MARCHF1: variants seen among roughly 807,000 people sequenced by gnomAD.
MARCHF1 encodes the protein membrane associated ring-CH-type finger 1.
Under a neutral mutation model 54.2 loss-of-function variants are expected in MARCHF1, and 40 were observed. The observed-to-expected ratio is 0.74, with a 90% CI of 0.57 to 0.96. The LOEUF is 0.96. Among genes scored for constraint, MARCHF1 ranks in the 40% least tolerant of loss-of-function variants. The pLI is 0.00. For missense variants in MARCHF1, 586 were observed against 656.5 expected (o/e 0.89, Z 1.17); for synonymous variants, 236 against 236.3 (o/e 1.00, Z 0.01).
intron 3 of MARCHF1, among the ~76,000 whole-genome samples, chr4:163,903,908 G>A (rs536029479): frequency 2.6e-5 from 4 of 152,042 alleles, no homozygotes; most frequent in South Asian, 2.1e-4. Context: ...GAGCCACCTC[G>A]CCTGGCCATA....
intron 1 of MARCHF1, among the ~76,000 whole-genome samples, chr4:164,205,566 AC>A (rs1436673046): frequency 6.6e-6 from 1 of 152,202 alleles, no homozygotes; most frequent in Non-Finnish European, 1.5e-5. Context: ...ATTTAAAATA[AC>A]CAAAATTGTT....
At chr4:163,731,596 A>G (rs944882567) in intron 4 of MARCHF1, among the ~76,000 whole-genome samples, 13 of 152,238 alleles carry the variant, frequency 8.5e-5, no homozygotes, top group African/African-American at 3.1e-4. Context: ...CACAGAGCTC[A>G]GTACCAGAGG....
At chr4:164,228,139 T>C (rs1579640315) in intron 1 of MARCHF1, among the ~76,000 whole-genome samples, 1 of 152,178 alleles carries the variant, frequency 6.6e-6, no homozygotes, top group Non-Finnish European at 1.5e-5. Context: ...ACGATGTTGG[T>C]GGCAACATAA....
intron 1 of MARCHF1, among the ~76,000 whole-genome samples, chr4:164,145,724 G>C (rs1446388339): frequency 6.7e-6 from 1 of 149,010 alleles, no homozygotes; most frequent in Non-Finnish European, 1.5e-5. Context: ...CATACTGAAT[G>C]GGCAAAAACT....
At chr4:163,648,257 T>C (rs1742831183) in intron 5 of MARCHF1, among the ~76,000 whole-genome samples, 3 of 152,068 alleles carry the variant, frequency 2.0e-5, no homozygotes, top group South Asian at 4.1e-4. Flanking sequence ...TCTTAAAAGA[T>C]AGGAAACTAA....
chr4:163,875,302 G>A (rs948444154), intron 3 of MARCHF1, among the ~76,000 whole-genome samples: 3 of 152,142 alleles, frequency 2.0e-5, no homozygotes, highest in East Asian at 1.9e-4. Context: ...TGGGAGGTCC[G>A]TGATTTTTTG....
intron 4 of MARCHF1, among the ~76,000 whole-genome samples, chr4:163,784,581 C>G (rs1747562909): frequency 6.6e-6 from 1 of 152,030 alleles, no homozygotes; most frequent in Non-Finnish European, 1.5e-5. Context: ...AAAAATTTAG[C>G]AGTAGATCTG....
intron 2 of MARCHF1, among the ~76,000 whole-genome samples, chr4:164,035,221 C>G (rs1342011716): frequency 1.3e-5 from 2 of 151,946 alleles, no homozygotes; most frequent in Non-Finnish European, 2.9e-5. Context: ...AGATGTTTAA[C>G]AGCTTTTCCA....
intron 1 of MARCHF1, among the ~76,000 whole-genome samples, chr4:164,344,458 T>G (rs199599324): frequency 6.8e-6 from 1 of 147,978 alleles, no homozygotes; most frequent in African/African-American, 2.5e-5. Context: ...ATGCACGTGT[T>G]TGTGTGTGTG....
chr4:163,935,727 T>C (rs1244671253), intron 3 of MARCHF1, among the ~76,000 whole-genome samples: 1 of 139,888 alleles, frequency 7.1e-6, no homozygotes, highest in Non-Finnish European at 1.6e-5. Flanking sequence ...TTTTTTTTAT[T>C]ATACTTTAAG....
intron 4 of MARCHF1, among the ~76,000 whole-genome samples, chr4:163,828,558 C>A (rs1393684476): frequency 6.6e-6 from 1 of 152,002 alleles, no homozygotes. Flanking sequence ...GAAAGTAAGT[C>A]ATACTGATAC....
At chr4:163,792,128 C>T (rs949604220) in intron 4 of MARCHF1, among the ~76,000 whole-genome samples, 1 of 152,130 alleles carries the variant, frequency 6.6e-6, no homozygotes, top group Non-Finnish European at 1.5e-5. Flanking sequence ...TTCATTCCTG[C>T]AGTTGCCACC....
intron 4 of MARCHF1, among the ~76,000 whole-genome samples, chr4:163,804,064 G>A (rs1579299425): frequency 6.6e-6 from 1 of 152,282 alleles, no homozygotes; most frequent in East Asian, 1.9e-4. Flanking sequence ...TAATTCTTGA[G>A]AAGCAGCTCT....
In MARCHF1 at chr4:164,115,710, A is replaced by G. The variant is rs1755925756; in HGVS notation, c.-322-4048T>C. On this transcript the variant is annotated intron_variant, in intron 1 of 9. Coordinates refer to ENST00000514618, the MANE Select transcript of MARCHF1 (RefSeq NM_001394959.1). ...GTAAGTTTGGTATAACAAATTATAA[A>G]TATTATGAATCTGATAATTCAAATG... Among the ~76,000 whole-genome samples, 2 of 152,120 alleles carry G rather than the reference A, an allele frequency of 1.3e-5. 1 individual carries two copies. Among genetic ancestry groups the G allele is most frequent in the South Asian group, 4.1e-4 (2 of 4,834 alleles).
chr4:164,022,579 T>G (rs1320228178), intron 2 of MARCHF1, among the ~76,000 whole-genome samples: 1 of 152,222 alleles, frequency 6.6e-6, no homozygotes, highest in Non-Finnish European at 1.5e-5. Flanking sequence ...ACCCTGTATC[T>G]ACCACAGACA....
chr4:164,047,553 T>C (rs1019883734), intron 2 of MARCHF1, among the ~76,000 whole-genome samples: 8 of 152,214 alleles, frequency 5.3e-5, no homozygotes, highest in Non-Finnish European at 1.2e-4. Flanking sequence ...TGCATCCCAA[T>C]GTAATTTTGC....
intron 4 of MARCHF1, among the ~76,000 whole-genome samples, chr4:163,786,037 G>A (rs1747609032): frequency 6.6e-6 from 1 of 151,956 alleles, no homozygotes; most frequent in South Asian, 2.1e-4. Flanking sequence ...CTGGAGGCAG[G>A]AAATGTGGGT....
At chr4:163,736,147 C>A (rs1746028096) in intron 4 of MARCHF1, among the ~76,000 whole-genome samples, 1 of 152,024 alleles carries the variant, frequency 6.6e-6, no homozygotes, top group Non-Finnish European at 1.5e-5. Context: ...AAGTAGAAAA[C>A]TTTCATCATT....
At chr4:164,222,299 C>T (rs1229203995) in intron 1 of MARCHF1, among the ~76,000 whole-genome samples, 1 of 149,804 alleles carries the variant, frequency 6.7e-6, no homozygotes, top group African/African-American at 2.5e-5. Flanking sequence ...CTTTCCTGTT[C>T]ATTTTGATTG....
Sources: allele counts gnomAD v4.1 joint callset (sites outside exome capture counted in the v4.1 genomes callset), GRCh38; gene constraint gnomAD v4.1.1; transcripts MANE v1.5; gene names NCBI Gene and HGNC (gene_info 2026-07-23, HGNC 2026-07-21).